NXPH1: variants seen among roughly 807,000 people sequenced by gnomAD.
NXPH1 encodes the protein neurexophilin-1.
In NXPH1, 5 loss-of-function variants were observed where a neutral mutation model predicts 23.7. The ratio of observed to expected loss-of-function variants is 0.21; its 90% CI spans 0.11 to 0.44. NXPH1 has a LOEUF of 0.44. Ranked by LOEUF, NXPH1 falls within the 20% of genes least tolerant of loss-of-function variation. The pLI is 0.99. For synonymous variants in NXPH1, 144 were observed against 122.2 expected (o/e 1.18, Z -1.18); for missense variants, 324 against 321.6 (o/e 1.01, Z -0.06).
At chr7:8,552,278 A>G (rs932064972) in intron 2 of NXPH1, among the ~76,000 whole-genome samples, 1 of 151,370 alleles carries the variant, frequency 6.6e-6, no homozygotes, top group African/African-American at 2.4e-5. Flanking sequence ...CCCAGCAATA[A>G]CCGATAGCAA....
chr7:8,493,373 T>C (rs1445727500), intron 2 of NXPH1, among the ~76,000 whole-genome samples: 5 of 152,044 alleles, frequency 3.3e-5, no homozygotes, highest in Admixed American at 6.6e-5. Flanking sequence ...TTCGCTGGCA[T>C]AGAAAATGGC....
At chr7:8,707,629 G>A (rs573430326) in intron 2 of NXPH1, among the ~76,000 whole-genome samples, 1 of 151,944 alleles carries the variant, frequency 6.6e-6, no homozygotes, top group Non-Finnish European at 1.5e-5. Context: ...GATCCATCAG[G>A]ATCTGTAGGT....
chr7:8,496,114 C>T (rs957212709), intron 2 of NXPH1, among the ~76,000 whole-genome samples: 1 of 151,986 alleles, frequency 6.6e-6, no homozygotes, highest in Admixed American at 6.6e-5. Context: ...CCAAACAGCA[C>T]ACTAAAAGCC....
At chr7:8,665,552 A>G (rs998605653) in intron 2 of NXPH1, among the ~76,000 whole-genome samples, 4 of 151,934 alleles carry the variant, frequency 2.6e-5, no homozygotes, top group Non-Finnish European at 4.4e-5. Flanking sequence ...TATTTCTGGG[A>G]AAAATACCAT....
intron 2 of NXPH1, among the ~76,000 whole-genome samples, chr7:8,440,200 A>C (rs1584155564): frequency 6.6e-6 from 1 of 152,314 alleles, no homozygotes; most frequent in South Asian, 2.1e-4. Flanking sequence ...GGGACACAGA[A>C]GTTGCTACTA....
At chr7:8,649,414 C>T (rs1820453002) in intron 2 of NXPH1, among the ~76,000 whole-genome samples, 1 of 152,096 alleles carries the variant, frequency 6.6e-6, no homozygotes, top group Non-Finnish European at 1.5e-5. Flanking sequence ...ATGAAAATCA[C>T]CATGCCTCTC....
At chr7:8,677,758 T>C (rs1214864613) in intron 2 of NXPH1, among the ~76,000 whole-genome samples, 4 of 152,166 alleles carry the variant, frequency 2.6e-5, no homozygotes, top group Admixed American at 2.6e-4. Context: ...AATTTAGCTA[T>C]GAACAAGATG....
intron 2 of NXPH1, among the ~76,000 whole-genome samples, chr7:8,725,945 T>C (rs1181214817): frequency 6.6e-6 from 1 of 152,198 alleles, no homozygotes; most frequent in African/African-American, 2.4e-5. Flanking sequence ...GACACAGGAA[T>C]GTTATTCCTT....
intron 2 of NXPH1, among the ~76,000 whole-genome samples, chr7:8,681,370 C>G (rs553985364): frequency 6.6e-6 from 1 of 152,270 alleles, no homozygotes; most frequent in Non-Finnish European, 1.5e-5. Context: ...AGACAATTTA[C>G]CCAGTAATGT....
intron 2 of NXPH1, among the ~76,000 whole-genome samples, chr7:8,720,561 T>C (rs1233209378): frequency 6.6e-6 from 1 of 152,194 alleles, no homozygotes; most frequent in Non-Finnish European, 1.5e-5. Context: ...AAATGGATTT[T>C]AAAAAACATT....
intron 2 of NXPH1, among the ~76,000 whole-genome samples, chr7:8,448,522 A>T (rs565071942): frequency 2.0e-5 from 3 of 152,348 alleles, no homozygotes; most frequent in East Asian, 1.9e-4. Flanking sequence ...CAGCCAGAAG[A>T]AAATGGACAT....
chr7:8,654,617 A>G (rs939889168), intron 2 of NXPH1, among the ~76,000 whole-genome samples: 1 of 152,198 alleles, frequency 6.6e-6, no homozygotes, highest in African/African-American at 2.4e-5. Flanking sequence ...AAAACATTCC[A>G]TGAGGCATGT....
chr7:8,718,501 G>T (rs1219604223), intron 2 of NXPH1, among the ~76,000 whole-genome samples: 2 of 152,124 alleles, frequency 1.3e-5, no homozygotes, highest in Non-Finnish European at 2.9e-5. Flanking sequence ...TTAATCCCCT[G>T]TTGAAAAGAG....
intron 2 of NXPH1, among the ~76,000 whole-genome samples, chr7:8,444,333 T>TA (rs1346483705): frequency 2.6e-5 from 4 of 152,144 alleles, no homozygotes; most frequent in African/African-American, 9.7e-5. Context: ...AGAGAAGGTT[T>TA]AGGCGCAACG....
intron 2 of NXPH1, among the ~76,000 whole-genome samples, chr7:8,735,688 T>C (rs1236297126): frequency 6.6e-6 from 1 of 152,142 alleles, no homozygotes; most frequent in East Asian, 1.9e-4. Context: ...TTTTCTGTTG[T>C]TTGGAATCAT....
At chr7:8,453,831 C>T (rs1816547252) in intron 2 of NXPH1, among the ~76,000 whole-genome samples, 2 of 152,100 alleles carry the variant, frequency 1.3e-5, no homozygotes, top group East Asian at 3.9e-4. Flanking sequence ...ATTGATTGGG[C>T]ATTTAGGTTG....
intron 2 of NXPH1, among the ~76,000 whole-genome samples, chr7:8,721,727 G>C (rs1779973768): frequency 6.6e-6 from 1 of 152,216 alleles, no homozygotes; most frequent in Non-Finnish European, 1.5e-5. Context: ...GCAGTGAGCT[G>C]AGATTGTGCC....
At chr7:8,717,309 A>G (rs1779893392) in intron 2 of NXPH1, among the ~76,000 whole-genome samples, 1 of 152,162 alleles carries the variant, frequency 6.6e-6, no homozygotes, top group Admixed American at 6.6e-5. Context: ...GTATTTGCCT[A>G]TGGGCTCAAA....
intron 2 of NXPH1, among the ~76,000 whole-genome samples, chr7:8,725,525 T>C (rs1780037509): frequency 6.6e-6 from 1 of 151,464 alleles, no homozygotes; most frequent in Non-Finnish European, 1.5e-5. Context: ...TAGGGCCTGG[T>C]ACTCTAAGTT....
Sources: gnomAD v4.1 joint callset for allele counts (sites outside exome capture counted in the v4.1 genomes callset) on GRCh38, gnomAD v4.1.1 for gene constraint, MANE v1.5 for transcripts, NCBI Gene and HGNC (gene_info 2026-07-23, HGNC 2026-07-21) for gene names.